The following SH3PXD2B variants were observed in gnomAD, a reference collection of about 807,000 sequenced individuals.
SH3PXD2B encodes SH3 and PX domain-containing protein 2B.
SH3PXD2B carries 37 observed loss-of-function variants against 73.1 expected under a neutral mutation model. That is an observed-to-expected ratio of 0.51 (90% CI 0.39 to 0.67). SH3PXD2B has a LOEUF of 0.67. Among genes scored for constraint, SH3PXD2B ranks in the 30% least tolerant of loss-of-function variants. SH3PXD2B has a pLI of 0.00. For missense variants in SH3PXD2B, 1,053 were observed against 1,197.8 expected (o/e 0.88, Z 1.78); for synonymous variants, 457 against 480.5 (o/e 0.95, Z 0.64).
chr5:172,342,122 A>G (rs1032402105), intron 12 of SH3PXD2B, among the ~76,000 whole-genome samples: 1 of 152,178 alleles, frequency 6.6e-6, no homozygotes, highest in Non-Finnish European at 1.5e-5. Flanking sequence ...GAGAGAGGAC[A>G]CAGGAGAAAC....
intron 6 of SH3PXD2B, among the ~76,000 whole-genome samples, chr5:172,369,334 T>C (rs1445825197): frequency 6.6e-6 from 1 of 151,988 alleles, no homozygotes; most frequent in African/African-American, 2.4e-5. Flanking sequence ...GTGGTAGTAG[T>C]GATAGAGACT....
In SH3PXD2B at chr5:172,335,210, C is replaced by T; in HGVS notation, c.*3159G>A. The stretch of plus-strand genomic sequence containing the variant: ...CTGGGATGTAAGGTAAAGTAGTTGT[C>T]ACAATTGTGTTAATAAGCAGGGGTG... On this transcript the variant is annotated 3_prime_UTR_variant, in exon 13 of 13. Coordinates refer to ENST00000311601, the MANE Select transcript of SH3PXD2B (RefSeq NM_001017995.3). The T allele has an allele frequency of 9.8e-7, 1 of 1,016,736 alleles. No individual in the cohort carries two copies. Among genetic ancestry groups the T allele is most frequent in the African/African-American group, 1.7e-5 (1 of 58,566 alleles). 63.0% of individuals were successfully genotyped at this position (1,016,736 alleles called of 1,614,324 possible).
downstream of SH3PXD2B, among the ~76,000 whole-genome samples, chr5:172,330,556 G>T (rs779221600): frequency 6.6e-6 from 1 of 152,154 alleles, no homozygotes; most frequent in African/African-American, 2.4e-5. Flanking sequence ...TATGTAAGAG[G>T]CTGATTATGC....
In SH3PXD2B at chr5:172,338,535, G is replaced by C. The variant is rs1317918408; in HGVS notation, c.2570C>G (p.Ala857Gly). The C allele has an allele frequency of 1.2e-6, 2 of 1,614,160 alleles. No homozygotes were observed. The highest frequency in any genetic ancestry group is 3.3e-5 in the Admixed American group (2 of 60,012). ...ADGLKDSLYV[A>G]VADFEGDKDT... ...TTTGTCTCCTTCAAAGTCGGCCACGGCCACATACAAAGAGTCCTTCAGGCC... is the reference window on the plus strand; with the variant it reads ...TTTGTCTCCTTCAAAGTCGGCCACGCCCACATACAAAGAGTCCTTCAGGCC... The change falls in exon 13 of 13, where the codon GCC (alanine) becomes GGC (glycine). Residue 857 changes from alanine to glycine, a missense_variant. Ala to Gly is a moderately conservative substitution (Grantham distance 60). This residue lies in a region of SH3PXD2B where 587 missense variants were observed against 590.7 expected (regional missense o/e 0.99). Coordinates refer to ENST00000311601, the MANE Select transcript of SH3PXD2B (RefSeq NM_001017995.3). This position sits in a 1 kb window ranked among gnomAD's most constrained non-coding sequence, Gnocchi z 5.1.
At chr5:172,454,153 C>G (rs1357735183) in intron 1 of SH3PXD2B, 125 bp downstream of exon 1, 3 of 644,050 alleles carry the variant, frequency 4.7e-6, no homozygotes, top group African/African-American at 4.2e-5. Flanking sequence ...GCCGCAGAGC[C>G]GAGGGGAGAG....
At chr5:172,325,413 C>T in intron 12 of SH3PXD2B, 1 of 1,459,434 alleles carries the variant, frequency 6.9e-7, no homozygotes, top group Non-Finnish European at 9.3e-7. Flanking sequence ...ATCAGCAAAT[C>T]TTCAGTCCTT....
chr5:172,339,717 G>A lies in SH3PXD2B; in HGVS notation c.1388C>T (p.Ala463Val). The part of the protein sequence containing the change: ...AALENNTGSE[A>V]TGPSRPLPDA... ...AGGCAGGGGCCGGGAGGGGCCCGTG[G>A]CTTCGCTGCCCGTGTTGTTCTCCAG... Residue 463 changes from alanine (A) to valine (V), a missense_variant, in exon 13 of 13, where the codon GCC (alanine) becomes GTC (valine). By Grantham distance (64) the Ala-to-Val change is moderately conservative (BLOSUM62 0). Transcript: ENST00000311601. This position sits in a 1 kb window ranked among gnomAD's most constrained non-coding sequence, Gnocchi z 6.1. The A allele has an allele frequency of 6.2e-7, 1 of 1,614,202 alleles. No individual in the cohort carries two copies. Among genetic ancestry groups the A allele is most frequent in the Non-Finnish European group, 8.5e-7 (1 of 1,180,018 alleles).
intron 3 of SH3PXD2B, among the ~76,000 whole-genome samples, chr5:172,398,753 C>T (rs559248533): frequency 1.3e-5 from 2 of 152,200 alleles, no homozygotes; most frequent in South Asian, 4.1e-4. Context: ...GGTATTCCAA[C>T]CTATGTGCTG....
At chr5:172,385,332 CCTGAAA>C (rs2113379674) in intron 4 of SH3PXD2B, among the ~76,000 whole-genome samples, 1 of 152,216 alleles carries the variant, frequency 6.6e-6, no homozygotes, top group South Asian at 2.1e-4. Flanking sequence ...CTGGGAGGCT[CCTGAAA>C]CGTGTTCATC....
intron 5 of SH3PXD2B, among the ~76,000 whole-genome samples, chr5:172,379,803 G>A (rs1250109860): frequency 6.6e-6 from 1 of 152,162 alleles, no homozygotes; most frequent in African/African-American, 2.4e-5. Flanking sequence ...AGTGAGGGAG[G>A]CCCATGGCCA....
At chr5:172,371,808 C>T (rs1361457866) in intron 6 of SH3PXD2B, among the ~76,000 whole-genome samples, 2 of 152,222 alleles carry the variant, frequency 1.3e-5, no homozygotes, top group Non-Finnish European at 2.9e-5. Flanking sequence ...CCCATTCCTT[C>T]TAGGGAAAGT....
chr5:172,434,440 A>G (rs1414488437), intron 1 of SH3PXD2B, among the ~76,000 whole-genome samples: 1 of 152,096 alleles, frequency 6.6e-6, no homozygotes, highest in Non-Finnish European at 1.5e-5. Context: ...AGCTCTTAGA[A>G]AGGCCCCAGA....
rs1349588717 is a variant in SH3PXD2B at position 172,422,411 on chromosome 5, C to G, written c.156+5G>C. The G allele has an allele frequency of 1.8e-5, 29 of 1,606,138 alleles. No homozygotes were observed. Among genetic ancestry groups the G allele is most frequent in the Non-Finnish European group, 2.4e-5 (28 of 1,176,892 alleles). ...TGCAGCTCACCAGAGACCTCAAATC[C>G]TTACCTGGAGGTCAAAAAACTTGCT... On this transcript the variant is annotated splice_donor_5th_base_variant and intron_variant, in intron 2 of 12. Coordinates refer to ENST00000311601, the MANE Select transcript of SH3PXD2B (RefSeq NM_001017995.3).
At chr5:172,400,933 A>G (rs529231891) in intron 3 of SH3PXD2B, among the ~76,000 whole-genome samples, 1 of 152,326 alleles carries the variant, frequency 6.6e-6, no homozygotes, top group East Asian at 1.9e-4. Context: ...CAAATTCTAA[A>G]AAGATCTAAG....
At chr5:172,382,004 C>T (rs1410888046) in intron 5 of SH3PXD2B, 32 bp downstream of exon 5, 2 of 1,561,452 alleles carry the variant, frequency 1.3e-6, no homozygotes, top group Non-Finnish European at 1.8e-6. Flanking sequence ...GGCTGTGGGG[C>T]TCCATCTGGG....
chr5:172,409,924 C>T (rs1348973749), intron 2 of SH3PXD2B, among the ~76,000 whole-genome samples: 1 of 152,166 alleles, frequency 6.6e-6, no homozygotes, highest in East Asian at 1.9e-4. Context: ...CCATCTTGGT[C>T]AGGCTAGTCT....
At chr5:172,411,679 T>C (rs1758701557) in intron 2 of SH3PXD2B, among the ~76,000 whole-genome samples, 1 of 152,194 alleles carries the variant, frequency 6.6e-6, no homozygotes, top group Non-Finnish European at 1.5e-5. Context: ...ATGTGGAAAC[T>C]CTGGGGAGCA....
rs144892579 is a variant in SH3PXD2B at position 172,339,737 on chromosome 5, C to T, written c.1368G>A (p.Glu456=). The T allele has an allele frequency of 2.5e-6, 4 of 1,613,762 alleles. No homozygotes were observed. The highest frequency in any genetic ancestry group is 2.7e-5 in the African/African-American group (2 of 74,952). Residue 456 remains glutamate (E), a synonymous_variant, in exon 13 of 13, where the codon GAG becomes GAA. Coordinates refer to ENST00000311601, the MANE Select transcript of SH3PXD2B (RefSeq NM_001017995.3). The surrounding 1 kb of genome is among the most constrained non-coding windows in gnomAD (Gnocchi z 6.1). ...CCGTGGCTTCGCTGCCCGTGTTGTT[C>T]TCCAGCGCTGCTGCTTCCCCCAGCC... ...QLRLGEAAAL[E]NNTGSEATGP...
chr5:172,351,389 A>G (rs900275629), intron 9 of SH3PXD2B, among the ~76,000 whole-genome samples: 2 of 152,064 alleles, frequency 1.3e-5, no homozygotes, highest in African/African-American at 4.8e-5. Flanking sequence ...CGGCCTCCCA[A>G]AGTGTTGGGA....
Sources: allele counts gnomAD v4.1 joint callset (sites outside exome capture counted in the v4.1 genomes callset), GRCh38; gene constraint gnomAD v4.1.1; regional missense constraint gnomAD v4.1.1; non-coding constraint Gnocchi (gnomAD v3.1); transcripts MANE v1.5; gene names NCBI Gene and HGNC (gene_info 2026-07-23, HGNC 2026-07-21).